Variants in TPST1 observed in about 807,000 individuals in gnomAD.
The protein encoded by TPST1 is protein-tyrosine sulfotransferase 1.
A neutral mutation model predicts 34.8 loss-of-function variants in TPST1; 20 were observed. That is an observed-to-expected ratio of 0.57 (90% CI 0.40 to 0.84). The LOEUF is 0.84. Among genes scored for constraint, TPST1 ranks in the 40% least tolerant of loss-of-function variants. The pLI, the probability that TPST1 is intolerant of heterozygous loss-of-function variation, is 0.00. For missense variants in TPST1, 353 were observed against 455.5 expected, an observed-to-expected ratio of 0.78 and a Z score of 2.05; for synonymous variants, 152 against 159.4, an observed-to-expected ratio of 0.95 and a Z score of 0.35.
intron 3 of TPST1, among the ~76,000 whole-genome samples, chr7:66,292,990 A>G (rs1791117046): frequency 6.6e-6 from 1 of 152,096 alleles, no homozygotes; most frequent in Admixed American, 6.5e-5. Context: ...GTGGATCACA[A>G]GGTCAGGAGA....
At chr7:66,274,145 G>A (rs932644583) in intron 2 of TPST1, among the ~76,000 whole-genome samples, 9 of 151,846 alleles carry the variant, frequency 5.9e-5, no homozygotes, top group Non-Finnish European at 1.0e-4. Context: ...GAGGTGGGTG[G>A]ATCACAAGGT....
At chr7:66,327,953 T>C (rs1205036361) in intron 3 of TPST1, among the ~76,000 whole-genome samples, 1 of 151,404 alleles carries the variant, frequency 6.6e-6, no homozygotes, top group Non-Finnish European at 1.5e-5. Flanking sequence ...TCATACATTT[T>C]GTTTGTCTCT....
intron 5 of TPST1, among the ~76,000 whole-genome samples, chr7:66,358,424 A>T (rs753723232): frequency 6.6e-6 from 1 of 151,536 alleles, no homozygotes; most frequent in Non-Finnish European, 1.5e-5. Context: ...TTTTATTTGC[A>T]TATATATAAG....
chr7:66,203,462 C>T (rs1789056107), upstream of TPST1, among the ~76,000 whole-genome samples: 1 of 150,152 alleles, frequency 6.7e-6, no homozygotes, highest in African/African-American at 2.4e-5. Flanking sequence ...CTGTAAAGAT[C>T]AAATGAGGTC....
intron 4 of TPST1, among the ~76,000 whole-genome samples, chr7:66,355,926 G>T (rs922425579): frequency 3.2e-4 from 43 of 136,458 alleles, no homozygotes; most frequent in Admixed American, 9.5e-4. Context: ...AAAAAAAAAA[G>T]GCTGAGCGTG....
chr7:66,319,537 A>C (rs1201304096), intron 3 of TPST1, among the ~76,000 whole-genome samples: 1 of 152,200 alleles, frequency 6.6e-6, no homozygotes, highest in African/African-American at 2.4e-5. Flanking sequence ...AGATATCTCT[A>C]AATGTTGTCA....
At chr7:66,307,319 C>T (rs1270125537) in intron 3 of TPST1, among the ~76,000 whole-genome samples, 3 of 151,560 alleles carry the variant, frequency 2.0e-5, no homozygotes, top group African/African-American at 7.3e-5. Context: ...GGGGTTTCAC[C>T]GTGTTAGCCA....
chr7:66,263,171 A>T (rs1377940926), intron 2 of TPST1, among the ~76,000 whole-genome samples: 1 of 152,186 alleles, frequency 6.6e-6, no homozygotes, highest in East Asian at 1.9e-4. Flanking sequence ...GGTTAAAGGG[A>T]AAAAGAATAT....
intron 4 of TPST1, among the ~76,000 whole-genome samples, chr7:66,354,314 A>C (rs1331356167): frequency 1.3e-5 from 2 of 152,128 alleles, no homozygotes; most frequent in Admixed American, 6.6e-5. Context: ...GGAATATAAA[A>C]TCCAAAAGCG....
intron 3 of TPST1, among the ~76,000 whole-genome samples, chr7:66,340,109 G>A (rs1261881220): frequency 1.3e-5 from 2 of 152,116 alleles, no homozygotes; most frequent in African/African-American, 4.8e-5. Flanking sequence ...GCTGAGGTGA[G>A]TGGATCCCTT....
At chr7:66,347,099 A>G (rs1163613671) in intron 3 of TPST1, among the ~76,000 whole-genome samples, 2 of 98,052 alleles carry the variant, frequency 2.0e-5, no homozygotes, top group African/African-American at 4.2e-5. Context: ...ACAGGGTCTC[A>G]CTCTGTCTCC....
At chr7:66,322,653 C>T (rs988639278) in intron 3 of TPST1, among the ~76,000 whole-genome samples, 11 of 152,196 alleles carry the variant, frequency 7.2e-5, no homozygotes, top group African/African-American at 2.7e-4. Context: ...TGGGTTGCTT[C>T]CATTTCTTGG....
intron 5 of TPST1, 82 bp downstream of exon 5, chr7:66,356,953 A>ACAG: frequency 7.1e-7 from 1 of 1,402,454 alleles, no homozygotes; most frequent in Non-Finnish European, 1.0e-6. Context: ...GGTGGAGAGC[A>ACAG]CAGCTCTGGA....
chr7:66,241,321 A>G, intron 2 of TPST1, 51 bp downstream of exon 2: 1 of 1,548,034 alleles, frequency 6.5e-7, no homozygotes, highest in Non-Finnish European at 8.7e-7. Flanking sequence ...GCTAATAATG[A>G]TCTATACATA....
chr7:66,299,954 G>C (rs1007825814), intron 3 of TPST1, among the ~76,000 whole-genome samples: 3 of 152,064 alleles, frequency 2.0e-5, no homozygotes, highest in African/African-American at 7.3e-5. Flanking sequence ...CACATAATTT[G>C]GTTTCCCAGT....
chr7:66,284,360 A>ATT (rs5884584), intron 2 of TPST1, among the ~76,000 whole-genome samples: 5 of 151,218 alleles, frequency 3.3e-5, no homozygotes, highest in African/African-American at 4.9e-5. Context: ...ATTAATTTAC[A>ATT]TTTTTTTTAT....
At chr7:66,202,048 A>AGT (rs1789040033), upstream of TPST1, among the ~76,000 whole-genome samples, 1 of 152,248 alleles carries the variant, frequency 6.6e-6, no homozygotes, top group East Asian at 1.9e-4. Context: ...GAAAATAACA[A>AGT]GTGTGTGTGT....
In TPST1 at chr7:66,271,362, A is replaced by G. The variant is rs1260939888; in HGVS notation, c.846-15149A>G. 2.6e-5 allele frequency among the ~76,000 whole-genome samples: 4 copies of G among 152,314 alleles called. No homozygotes were observed. In the South Asian group the frequency reaches 8.3e-4, roughly 32 times the overall value. On this transcript the variant is annotated intron_variant, in intron 2 of 5. Transcript: ENST00000304842. ...CCCGGCTAATTTTTGTATTTTTAGT[A>G]GAGACGGGGTTTCACCCTGTTAGCC...
chr7:66,340,419 G>C (rs949597256), intron 3 of TPST1, among the ~76,000 whole-genome samples: 1 of 152,002 alleles, frequency 6.6e-6, no homozygotes, highest in Non-Finnish European at 1.5e-5. Context: ...AGAAATAAAG[G>C]GTACCCAAAT....
Sources: gnomAD v4.1 joint callset for allele counts (sites outside exome capture counted in the v4.1 genomes callset) on GRCh38, gnomAD v4.1.1 for gene constraint, MANE v1.5 for transcripts, NCBI Gene and HGNC (gene_info 2026-07-23, HGNC 2026-07-21) for gene names.